The following SPRY3 variants were observed in gnomAD, a reference collection of about 807,000 sequenced individuals.
SPRY3 encodes sprouty RTK signaling antagonist 3, also known as protein sprouty homolog 3.
In SPRY3, 15 loss-of-function variants were observed where a neutral mutation model predicts 20.2. The observed-to-expected ratio is 0.74, with a 90% CI of 0.50 to 1.14. SPRY3 has a LOEUF of 1.14. Ranked by LOEUF, SPRY3 falls within the 50% of genes most tolerant of loss-of-function variation. The pLI is 0.00. For synonymous variants in SPRY3, 143 were observed against 136.5 expected (o/e 1.05, Z -0.33); for missense variants, 364 against 363.9 (o/e 1.00, Z 0.00).
At chrX:155,616,129 T>TC (rs782339445) in intron 1 of SPRY3, among the ~76,000 whole-genome samples, 1 of 29,884 alleles carries the variant, frequency 3.3e-5, no homozygotes, top group Non-Finnish European at 9.6e-5. Context: ...TCTCTCTCTC[T>TC]CCTCTCTCTC....
At chrX:155,770,093 C>T (rs2091371732) in intron 3 of SPRY3, among the ~76,000 whole-genome samples, 1 of 152,144 alleles carries the variant, frequency 6.6e-6, no homozygotes, top group South Asian at 2.1e-4. Context: ...CACCTAAGAG[C>T]CGTTACACAG....
chrX:155,696,256 C>T (rs1324302684), intron 2 of SPRY3, among the ~76,000 whole-genome samples: 1 of 103,424 alleles, frequency 9.7e-6, no homozygotes, highest in Non-Finnish European at 2.0e-5. Context: ...CATATATATA[C>T]AGAGAGAGAG....
chrX:155,776,432 T>C (rs2091426658), exon 4 of SPRY3: 2 of 167,208 alleles, frequency 1.2e-5, no homozygotes, highest in South Asian at 4.1e-4. Context: ...AGATGTATAA[T>C]GTAGAGAACT....
At chrX:155,639,471 T>C in intron 1 of SPRY3, among the ~76,000 whole-genome samples, 1 of 112,451 alleles carries the variant, frequency 8.9e-6, no homozygotes, top group Middle Eastern at 4.6e-3. Flanking sequence ...ATAGGAGTAT[T>C]TGTCCTTATG....
At chrX:155,757,481 C>T (rs1398932876) in intron 2 of SPRY3, among the ~76,000 whole-genome samples, 3 of 152,140 alleles carry the variant, frequency 2.0e-5, no homozygotes, top group Non-Finnish European at 4.4e-5. Flanking sequence ...ATAACGAGTA[C>T]AGCTGTCTGA....
chrX:155,658,950 A>G (rs969411146), intron 2 of SPRY3, among the ~76,000 whole-genome samples: 1 of 111,071 alleles, frequency 9.0e-6, no homozygotes, highest in Non-Finnish European at 1.9e-5. Flanking sequence ...TCATATGGTT[A>G]TTGTTTTTAA....
At chrX:155,756,567 G>A (rs1171304187) in intron 2 of SPRY3, among the ~76,000 whole-genome samples, 3 of 152,024 alleles carry the variant, frequency 2.0e-5, no homozygotes, top group Admixed American at 6.6e-5. Flanking sequence ...TGTGACTTAG[G>A]GAACTCACAT....
At chrX:155,731,417 A>T (rs1311039247) in intron 2 of SPRY3, among the ~76,000 whole-genome samples, 1 of 152,052 alleles carries the variant, frequency 6.6e-6, no homozygotes, top group African/African-American at 2.4e-5. Flanking sequence ...GGAAAAGACA[A>T]ACTCTTCAAT....
intron 3 of SPRY3, among the ~76,000 whole-genome samples, chrX:155,768,620 T>C (rs1447358769): frequency 3.3e-5 from 5 of 152,098 alleles, no homozygotes; most frequent in Non-Finnish European, 7.4e-5. Context: ...CACCTTGCCC[T>C]GGGTAGACAT....
intron 2 of SPRY3, among the ~76,000 whole-genome samples, chrX:155,705,427 G>A (rs1443306541): frequency 6.0e-5 from 9 of 151,134 alleles, no homozygotes; most frequent in Non-Finnish European, 7.4e-5. Context: ...CACAAGAGAA[G>A]GCAGAAAAGG....
At chrX:155,673,170 T>A (rs1424636375) in intron 2 of SPRY3, among the ~76,000 whole-genome samples, 3 of 104,461 alleles carry the variant, frequency 2.9e-5, no homozygotes, top group East Asian at 3.1e-4. Flanking sequence ...CATATGTAAC[T>A]AACCTGAACA....
chrX:155,713,187 C>T (rs892115146), intron 2 of SPRY3, among the ~76,000 whole-genome samples: 1 of 151,964 alleles, frequency 6.6e-6, no homozygotes, highest in Non-Finnish European at 1.5e-5. Flanking sequence ...TGGTTTGCTG[C>T]ACCTATCAAC....
At chrX:155,746,399 T>G (rs180904637) in intron 2 of SPRY3, among the ~76,000 whole-genome samples, 1 of 152,140 alleles carries the variant, frequency 6.6e-6, no homozygotes, top group East Asian at 1.9e-4. Context: ...AACTTTCTGA[T>G]ATTGTTAATA....
At chrX:155,776,836 T>A (rs1393232476), downstream of SPRY3, 1 of 167,120 alleles carries the variant, frequency 6.0e-6, no homozygotes, top group Admixed American at 6.5e-5. Flanking sequence ...TGAATCTTCC[T>A]GAAGTGTACT....
At chrX:155,751,356 C>T (rs1400355303) in intron 2 of SPRY3, among the ~76,000 whole-genome samples, 4 of 151,872 alleles carry the variant, frequency 2.6e-5, no homozygotes, top group Admixed American at 6.6e-5. Flanking sequence ...GCTACTGCTG[C>T]CAGCACTGAT....
intron 2 of SPRY3, among the ~76,000 whole-genome samples, chrX:155,734,724 A>G (rs1012896657): frequency 6.6e-6 from 1 of 151,996 alleles, no homozygotes; most frequent in African/African-American, 2.4e-5. Flanking sequence ...GTATGCCTGT[A>G]TTAATAATTT....
chrX:155,635,948 A>G (rs1240007839), intron 1 of SPRY3, among the ~76,000 whole-genome samples: 5 of 112,177 alleles, frequency 4.5e-5, no homozygotes, highest in Non-Finnish European at 7.5e-5. Context: ...CCACTGTGAC[A>G]TGAGTTGGGA....
chrX:155,762,206 G>C (rs1393009826), intron 2 of SPRY3, among the ~76,000 whole-genome samples: 2 of 152,054 alleles, frequency 1.3e-5, no homozygotes, highest in East Asian at 3.9e-4. Flanking sequence ...CCACTAACTT[G>C]GTATTTCCTG....
chrX:155,635,197 C>G (rs1337301965), intron 1 of SPRY3, among the ~76,000 whole-genome samples: 3 of 111,123 alleles, frequency 2.7e-5, no homozygotes, highest in Non-Finnish European at 5.7e-5. Context: ...TCATCCATCT[C>G]CCTGCAAAGG....
Sources: allele counts gnomAD v4.1 joint callset (sites outside exome capture counted in the v4.1 genomes callset), GRCh38; gene constraint gnomAD v4.1.1; transcripts MANE v1.5; gene names NCBI Gene and HGNC (gene_info 2026-07-23, HGNC 2026-07-21).